ADGRV1: variants seen among roughly 807,000 people sequenced by gnomAD.
ADGRV1 encodes adhesion G protein-coupled receptor V1.
Under a neutral mutation model 596.2 loss-of-function variants are expected in ADGRV1, and 359 were observed. The ratio of observed to expected loss-of-function variants is 0.60; its 90% CI spans 0.55 to 0.66. ADGRV1 has a LOEUF of 0.66. Ranked by LOEUF, ADGRV1 falls within the 30% of genes least tolerant of loss-of-function variation. ADGRV1 has a pLI of 0.00. For synonymous variants in ADGRV1, 2,681 were observed against 2,679.2 expected, an observed-to-expected ratio of 1.00 and a Z score of -0.02; for missense variants, 7,274 against 7,575.6, an observed-to-expected ratio of 0.96 and a Z score of 1.48.
chr5:90,686,434 A>C (rs1745657916), intron 29 of ADGRV1, among the ~76,000 whole-genome samples: 1 of 151,920 alleles, frequency 6.6e-6, no homozygotes, highest in Admixed American at 6.6e-5. Context: ...CTCATTGTTC[A>C]CTTCCCACCT....
chr5:90,906,418 G>A (rs1264383299), intron 83 of ADGRV1, among the ~76,000 whole-genome samples: 1 of 152,066 alleles, frequency 6.6e-6, no homozygotes, highest in African/African-American at 2.4e-5. Flanking sequence ...TTATTGGTCA[G>A]TTCAGGTTTT....
At position 90,833,417 on chromosome 5, in the gene ADGRV1, C is replaced by T. The variant is rs191456646; in HGVS notation, c.16611+4231C>T. On this transcript the variant is annotated intron_variant, in intron 77 of 89. Coordinates refer to ENST00000405460, the MANE Select transcript of ADGRV1 (RefSeq NM_032119.4). ...CTCCCACCTCAGCCTCTCAAGTAGC[C>T]GTGACTACAAGTGCACACCACCACA... Among the ~76,000 whole-genome samples, 780 of 152,046 alleles carry T rather than the reference C, an allele frequency of 5.1e-3. 6 individuals are homozygous for T. Among genetic ancestry groups the T allele is most frequent in the Non-Finnish European group, 9.2e-3 (624 of 67,974 alleles).
intron 86 of ADGRV1, among the ~76,000 whole-genome samples, chr5:91,075,541 C>G (rs1393367309): frequency 6.6e-6 from 1 of 152,116 alleles, no homozygotes; most frequent in Non-Finnish European, 1.5e-5. Flanking sequence ...TGAGGGAACC[C>G]TCTCTTGCAA....
chr5:90,764,956 C>A (rs951663980), intron 59 of ADGRV1, among the ~76,000 whole-genome samples: 1 of 152,080 alleles, frequency 6.6e-6, no homozygotes, highest in East Asian at 1.9e-4. Context: ...CACAGAGGGG[C>A]TCCTTAGAAG....
chr5:91,006,088 G>A (rs1352328609), intron 85 of ADGRV1, among the ~76,000 whole-genome samples: 1 of 152,196 alleles, frequency 6.6e-6, no homozygotes, highest in East Asian at 1.9e-4. Flanking sequence ...CAGAGTCACA[G>A]AGCCACAGGA....
intron 1 of ADGRV1, among the ~76,000 whole-genome samples, chr5:90,567,462 T>C (rs688956): frequency 0.31 from 47,081 of 152,022 alleles, 8,678 homozygotes; most frequent in Non-Finnish European, 0.42. Context: ...ATGGTAAGTT[T>C]TGCAATTACT....
chr5:90,744,323 C>G (rs1754360960), intron 50 of ADGRV1, among the ~76,000 whole-genome samples: 1 of 152,102 alleles, frequency 6.6e-6, no homozygotes, highest in Non-Finnish European at 1.5e-5. Context: ...GATAACATTT[C>G]AAAAACATTG....
intron 50 of ADGRV1, among the ~76,000 whole-genome samples, chr5:90,734,170 G>A (rs376854688): frequency 1.2e-4 from 19 of 152,196 alleles, no homozygotes; most frequent in African/African-American, 4.3e-4. Flanking sequence ...TTCATCTGTT[G>A]ATAGATATAT....
At position 90,823,559 on chromosome 5, in the gene ADGRV1, C is replaced by A. The variant is rs370906851; in HGVS notation, c.16331C>A (p.Thr5444Lys). Residue 5444 changes from threonine (T) to lysine (K), a missense_variant, in exon 76 of 90, where the codon ACA becomes AAA. By Grantham distance (78) the Thr-to-Lys change is moderately conservative. This residue lies in a region of ADGRV1 where 1,874 missense variants were observed against 1,970.2 expected (regional missense o/e 0.95). Transcript: ENST00000405460. The part of the protein sequence containing the change: ...SGTTTCTMGQ[T>K]KCFISIELKP... ...ACCACAACCTGTACAATGGGTCAAA[C>A]AAAATGCTTTATCAGCATTGAACTC... 5.3e-4 allele frequency: 853 copies of A among 1,613,808 alleles called. No homozygotes were observed. The highest frequency in any genetic ancestry group is 6.8e-4 in the Non-Finnish European group (797 of 1,179,800).
chr5:90,674,094 T>G lies in ADGRV1; in HGVS notation c.4970T>G (p.Leu1657Arg). ...GTTCTTGATGATGATATTCCTGAAC[T>G]TAATGAGTATTTCCGTGTGACATTG... ...IYVLDDDIPE[L>R]NEYFRVTLVS... Residue 1657 changes from leucine to arginine, a missense_variant, in exon 23 of 90, where the codon CTT (leucine) becomes CGT (arginine). This residue lies in a region of ADGRV1 where 3,643 missense variants were observed against 3,809.2 expected (regional missense o/e 0.96). Transcript: ENST00000405460. The G allele has an allele frequency of 6.2e-7, 1 of 1,613,292 alleles. No homozygotes were observed. Among genetic ancestry groups the G allele is most frequent in the Non-Finnish European group, 8.5e-7 (1 of 1,179,364 alleles).
intron 73 of ADGRV1, 71 bp from the exon 74 acceptor site, chr5:90,810,162 T>C: frequency 8.2e-7 from 1 of 1,226,530 alleles, no homozygotes; most frequent in Non-Finnish European, 1.1e-6. Context: ...AATATGTGAA[T>C]GATGAATCTC....
chr5:90,776,609 G>T (rs1235176669), intron 61 of ADGRV1, 33 bp downstream of exon 61: 2 of 1,608,344 alleles, frequency 1.2e-6, no homozygotes, highest in Non-Finnish European at 1.7e-6. Flanking sequence ...TTGCCTATAT[G>T]GGGGTTACGA....
At chr5:91,012,562 C>T (rs1782809906) in intron 85 of ADGRV1, among the ~76,000 whole-genome samples, 1 of 151,900 alleles carries the variant, frequency 6.6e-6, no homozygotes, top group Non-Finnish European at 1.5e-5. Context: ...ATTTATGTAG[C>T]TCTCCTCCCA....
At chr5:91,069,767 A>G (rs1788209286) in intron 85 of ADGRV1, among the ~76,000 whole-genome samples, 1 of 152,164 alleles carries the variant, frequency 6.6e-6, no homozygotes. Flanking sequence ...TATGTACCCA[A>G]ATGAAAATAA....
chr5:90,610,143 C>G (rs1285447905), intron 1 of ADGRV1, among the ~76,000 whole-genome samples: 2 of 151,858 alleles, frequency 1.3e-5, no homozygotes, highest in Admixed American at 1.3e-4. Flanking sequence ...AGGTGCCCAT[C>G]ATTTATTTGA....
chr5:91,144,863 G>A (rs1462573645), intron 87 of ADGRV1, among the ~76,000 whole-genome samples: 1 of 152,226 alleles, frequency 6.6e-6, no homozygotes, highest in African/African-American at 2.4e-5. Context: ...GCCAATGCAC[G>A]TAGTGGGTGA....
At chr5:91,090,931 G>T (rs757796203) in intron 86 of ADGRV1, among the ~76,000 whole-genome samples, 1 of 152,152 alleles carries the variant, frequency 6.6e-6, no homozygotes, top group African/African-American at 2.4e-5. Flanking sequence ...AGGAATCAAA[G>T]TGTGTCATAC....
chr5:90,778,933 C>T lies in ADGRV1; in HGVS notation c.12918C>T (p.Ser4306=), dbSNP rs779984650. 30 of 1,613,256 alleles carry T rather than the reference C, an allele frequency of 1.9e-5. No individual in the cohort carries two copies. Among genetic ancestry groups the T allele is most frequent in the East Asian group, 1.8e-4 (8 of 44,872 alleles). ...GHVRLWYKTM[S]GTAEAGLDFV... is the part of the protein sequence containing the mutation. ...TGCGACTCTGGTACAAGACGATGAG[C>T]GGGACAGCGGAAGCAGGCTTGGATT... Residue 4306 remains serine, a synonymous_variant, in exon 64 of 90, where the codon AGC becomes AGT. Coordinates refer to ENST00000405460, the MANE Select transcript of ADGRV1 (RefSeq NM_032119.4).
intron 1 of ADGRV1, among the ~76,000 whole-genome samples, chr5:90,591,503 A>G (rs1392682801): frequency 6.6e-6 from 1 of 152,172 alleles, no homozygotes; most frequent in Non-Finnish European, 1.5e-5. Flanking sequence ...ATGACAAAAT[A>G]ATTGTTCACT....
Sources: allele counts gnomAD v4.1 joint callset (sites outside exome capture counted in the v4.1 genomes callset), GRCh38; gene constraint gnomAD v4.1.1; regional missense constraint gnomAD v4.1.1; transcripts MANE v1.5; gene names NCBI Gene and HGNC (gene_info 2026-07-23, HGNC 2026-07-21).